Variants in CDH8 observed in about 807,000 individuals in gnomAD.
CDH8 encodes cadherin-8.
In CDH8, 17 loss-of-function variants were observed where a neutral mutation model predicts 68.1. That is an observed-to-expected ratio of 0.25 (90% CI 0.17 to 0.37). The LOEUF (loss-of-function observed/expected upper bound fraction) is 0.37. Among genes scored for constraint, CDH8 ranks in the 10% least tolerant of loss-of-function variants. CDH8 has a pLI of 1.00. For synonymous variants in CDH8, 372 were observed against 365.1 expected, an observed-to-expected ratio of 1.02 and a Z score of -0.21; for missense variants, 763 against 999.3, an observed-to-expected ratio of 0.76 and a Z score of 3.19.
intron 4 of CDH8, among the ~76,000 whole-genome samples, chr16:61,846,383 T>C (rs950875613): frequency 6.6e-6 from 1 of 152,156 alleles, no homozygotes; most frequent in Non-Finnish European, 1.5e-5. Context: ...AAGTCAAATC[T>C]ATTTCTACCC....
chr16:61,954,447 C>A (rs1053909377), intron 2 of CDH8, among the ~76,000 whole-genome samples: 18 of 151,890 alleles, frequency 1.2e-4, no homozygotes, highest in Admixed American at 6.6e-5. Context: ...GATAAATACT[C>A]GAAATGCACT....
chr16:61,857,263 G>A (rs1567502688), intron 3 of CDH8, 25 bp from the exon 4 acceptor site: 1 of 1,598,032 alleles, frequency 6.3e-7, no homozygotes, highest in South Asian at 1.1e-5. Flanking sequence ...AAAGAAAAAA[G>A]ATAATAATTA....
intron 3 of CDH8, among the ~76,000 whole-genome samples, chr16:61,889,360 C>T (rs559861339): frequency 6.6e-6 from 1 of 152,080 alleles, no homozygotes; most frequent in East Asian, 1.9e-4. Flanking sequence ...TCCAGTGAAT[C>T]CAGAAAGTAT....
At chr16:61,660,676 A>G in intron 10 of CDH8, among the ~76,000 whole-genome samples, 1 of 152,100 alleles carries the variant, frequency 6.6e-6, no homozygotes, top group East Asian at 1.9e-4. Context: ...AACCAAGTAG[A>G]ACATGTTAAA....
At chr16:61,830,366 A>G (rs1962428417) in intron 4 of CDH8, among the ~76,000 whole-genome samples, 1 of 151,816 alleles carries the variant, frequency 6.6e-6, no homozygotes, top group Non-Finnish European at 1.5e-5. Context: ...TCAAAAGTCA[A>G]AAATTTTGAA....
intron 2 of CDH8, among the ~76,000 whole-genome samples, chr16:61,957,634 G>A (rs1027030315): frequency 2.6e-5 from 4 of 152,094 alleles, no homozygotes; most frequent in Admixed American, 2.0e-4. Flanking sequence ...ACATGCACAC[G>A]CATTCATTGA....
At chr16:61,768,008 A>G (rs1387624303) in intron 8 of CDH8, among the ~76,000 whole-genome samples, 1 of 151,904 alleles carries the variant, frequency 6.6e-6, no homozygotes, top group Non-Finnish European at 1.5e-5. Context: ...TTTGTAAAGT[A>G]CTTGGGTGAT....
intron 8 of CDH8, among the ~76,000 whole-genome samples, chr16:61,787,159 C>T (rs1961244783): frequency 6.6e-6 from 1 of 151,936 alleles, no homozygotes; most frequent in Non-Finnish European, 1.5e-5. Flanking sequence ...AGGCAGCCTA[C>T]AAACTGGGAG....
In CDH8 at chr16:61,754,490, T is replaced by G. The variant is rs533700903; in HGVS notation, c.1415-27275A>C. Among the ~76,000 whole-genome samples, 8 of 151,796 alleles carry G rather than the reference T, an allele frequency of 5.3e-5. No homozygotes were observed. The East Asian group carries it at 1.5e-3, about 29-fold the overall frequency. On this transcript the variant is annotated intron_variant, in intron 8 of 11. Transcript: ENST00000577390. ...GAATACTACCAGAAGCCATTTTTTGTTTTTTTTATTTTGTTTATATTTATA... is the reference window on the plus strand; with the variant it reads ...GAATACTACCAGAAGCCATTTTTTGGTTTTTTTATTTTGTTTATATTTATA...
intron 4 of CDH8, among the ~76,000 whole-genome samples, chr16:61,828,942 A>G (rs1386765587): frequency 1.3e-5 from 2 of 151,700 alleles, no homozygotes; most frequent in Admixed American, 6.6e-5. Context: ...CCCTTCCCCA[A>G]CGTGACTTTT....
chr16:61,817,439 T>C lies in CDH8; in HGVS notation c.1277+40A>G, dbSNP rs142168278. The C allele has an allele frequency of 6.3e-5, 102 of 1,606,746 alleles. No individual in the cohort carries two copies. In the East Asian group the frequency reaches 2.1e-3, roughly 34 times the overall value. The stretch of plus-strand genomic sequence containing the variant: ...AAGGCATTTTTCACTGATCTGCTTG[T>C]CATTTGCAGTAGCCAGTATTCCTTT... On this transcript the variant is annotated intron_variant, in intron 7 of 11. Transcript: ENST00000577390.
intron 4 of CDH8, among the ~76,000 whole-genome samples, chr16:61,845,014 A>G (rs1962774059): frequency 6.6e-6 from 1 of 152,206 alleles, no homozygotes; most frequent in Admixed American, 6.5e-5. Flanking sequence ...ATTGTATAAG[A>G]ACTGTATGGG....
intron 10 of CDH8, among the ~76,000 whole-genome samples, chr16:61,689,779 G>A (rs1227862087): frequency 6.6e-6 from 1 of 151,862 alleles, no homozygotes; most frequent in African/African-American, 2.4e-5. Flanking sequence ...CAATCTTTCT[G>A]AAGATTTAAA....
intron 2 of CDH8, among the ~76,000 whole-genome samples, chr16:61,999,167 C>A (rs1288849992): frequency 6.6e-6 from 1 of 152,140 alleles, no homozygotes; most frequent in Non-Finnish European, 1.5e-5. Flanking sequence ...ATGAAAGACA[C>A]TGCTAGGTAC....
chr16:61,824,713 C>T (rs1293195228), intron 5 of CDH8, among the ~76,000 whole-genome samples: 3 of 151,860 alleles, frequency 2.0e-5, no homozygotes, highest in Non-Finnish European at 4.4e-5. Flanking sequence ...ATTTGCATCA[C>T]CCTCTCAAGC....
chr16:61,944,209 T>G (rs1465417346), intron 2 of CDH8, among the ~76,000 whole-genome samples: 1 of 152,204 alleles, frequency 6.6e-6, no homozygotes, highest in Non-Finnish European at 1.5e-5. Flanking sequence ...GTCACAGTTC[T>G]TGGCACATGA....
At chr16:61,931,107 C>T (rs113410050) in intron 2 of CDH8, among the ~76,000 whole-genome samples, 8 of 152,282 alleles carry the variant, frequency 5.3e-5, no homozygotes, top group African/African-American at 1.9e-4. Context: ...TATAAACGTA[C>T]AGTAACAATA....
At chr16:61,808,257 G>C (rs1961847968) in intron 7 of CDH8, among the ~76,000 whole-genome samples, 1 of 152,066 alleles carries the variant, frequency 6.6e-6, no homozygotes, top group South Asian at 2.1e-4. Flanking sequence ...TACAGTGAAG[G>C]GACTAGGGTT....
chr16:61,716,563 C>A (rs374938789), intron 9 of CDH8, among the ~76,000 whole-genome samples: 1 of 151,680 alleles, frequency 6.6e-6, no homozygotes, highest in Non-Finnish European at 1.5e-5. Flanking sequence ...GTATGAGAAC[C>A]ACTGTTTTGA....
Sources: gnomAD v4.1 joint callset for allele counts (sites outside exome capture counted in the v4.1 genomes callset) on GRCh38, gnomAD v4.1.1 for gene constraint, MANE v1.5 for transcripts, NCBI Gene and HGNC (gene_info 2026-07-23, HGNC 2026-07-21) for gene names.